The following FAM227B variants were observed in gnomAD, a reference collection of about 807,000 sequenced individuals.
The protein encoded by FAM227B is protein FAM227B.
FAM227B carries 88 observed loss-of-function variants against 73.8 expected under a neutral mutation model. The ratio of observed to expected loss-of-function variants is 1.19; its 90% CI spans 1.00 to 1.42. The LOEUF is 1.42. Among genes scored for constraint, FAM227B ranks in the 40% most tolerant of loss-of-function variants. The pLI, the probability that FAM227B is intolerant of heterozygous loss-of-function variation, is 0.00. For synonymous variants in FAM227B, 210 were observed against 190.5 expected (o/e 1.10, Z -0.84); for missense variants, 632 against 590.9 (o/e 1.07, Z -0.72).
chr15:49,380,984 C>A (rs573376752), intron 11 of FAM227B, among the ~76,000 whole-genome samples: 2 of 152,148 alleles, frequency 1.3e-5, no homozygotes, highest in Non-Finnish European at 2.9e-5. Context: ...TTCTGGTGCA[C>A]GCCTCAGGGA....
At chr15:49,382,004 C>A (rs190342773) in intron 11 of FAM227B, among the ~76,000 whole-genome samples, 67 of 152,016 alleles carry the variant, frequency 4.4e-4, no homozygotes, top group South Asian at 2.5e-3. Context: ...ACTAAAGATA[C>A]ACATGATATT....
chr15:49,457,344 T>C (rs528399798), intron 11 of FAM227B, among the ~76,000 whole-genome samples: 25 of 152,102 alleles, frequency 1.6e-4, no homozygotes, highest in African/African-American at 5.5e-4. Flanking sequence ...GTGGAATCCA[T>C]AGAAAGTGGT....
chr15:49,612,069 T>C lies in FAM227B; in HGVS notation c.52-801A>G, dbSNP rs146567969. On this transcript the variant is annotated intron_variant, in intron 2 of 15. Coordinates refer to ENST00000299338, the MANE Select transcript of FAM227B (RefSeq NM_152647.3). ...TTTTTAATTTGGTATGTTTATTTTG[T>C]AGCCGGCCAATTCCTTGGAGAGGCT... is the stretch of plus-strand genomic sequence containing the variant. Among the ~76,000 whole-genome samples, 137 of 152,002 alleles carry C rather than the reference T, an allele frequency of 9.0e-4. 2 individuals carry two copies. In the East Asian group the frequency reaches 0.024, roughly 26 times the overall value.
chr15:49,545,441 T>C (rs1046359617), intron 9 of FAM227B, among the ~76,000 whole-genome samples: 2 of 152,214 alleles, frequency 1.3e-5, no homozygotes, highest in African/African-American at 4.8e-5. Flanking sequence ...TTTCAAAGAA[T>C]CAACTTTTTG....
chr15:49,595,881 A>G (rs1170698480), intron 3 of FAM227B, among the ~76,000 whole-genome samples: 1 of 152,056 alleles, frequency 6.6e-6, no homozygotes, highest in Non-Finnish European at 1.5e-5. Flanking sequence ...CTCAAAATCA[A>G]GAAGGCTTTT....
At chr15:49,493,852 G>A (rs780105595) in intron 11 of FAM227B, among the ~76,000 whole-genome samples, 1 of 139,664 alleles carries the variant, frequency 7.2e-6, no homozygotes, top group Non-Finnish European at 1.6e-5. Flanking sequence ...ATATAAAGGG[G>A]TCTGTGTATG....
At chr15:49,616,132 C>A (rs1463805656) in intron 1 of FAM227B, among the ~76,000 whole-genome samples, 2 of 151,992 alleles carry the variant, frequency 1.3e-5, no homozygotes, top group African/African-American at 4.8e-5. Context: ...CTAATCATGC[C>A]CCCACCCCAA....
intron 9 of FAM227B, among the ~76,000 whole-genome samples, chr15:49,561,107 TTATC>T (rs1348091277): frequency 6.6e-6 from 1 of 152,144 alleles, no homozygotes; most frequent in Non-Finnish European, 1.5e-5. Flanking sequence ...AAGACAAGAC[TTATC>T]TATCTACTTT....
Position 49,489,809 on chromosome 15 carries a change from ATATATATATATTT to A in FAM227B, c.1012+18389_1012+18401del, listed in dbSNP as rs2056762836. On this transcript the variant is annotated intron_variant, in intron 11 of 15. Coordinates refer to ENST00000299338, the MANE Select transcript of FAM227B (RefSeq NM_152647.3). ...GGAGATATATATATATATTTTATAT[ATATATATATATTT>A]TATATATATATATATATTTTATATA... 1.0e-4 allele frequency among the ~76,000 whole-genome samples: 6 copies of A among 59,862 alleles called. 1 individual carries two copies. The South Asian group carries it at 2.5e-3, about 25-fold the overall frequency. 39.3% of individuals were successfully genotyped at this position (59,862 alleles called of 152,430 possible).
chr15:49,406,446 A>G (rs1249315802), intron 11 of FAM227B, among the ~76,000 whole-genome samples: 1 of 151,514 alleles, frequency 6.6e-6, no homozygotes, highest in Non-Finnish European at 1.5e-5. Context: ...GGGGCGCTGG[A>G]GGGCACAGGA....
At chr15:49,411,684 CA>C in intron 11 of FAM227B, among the ~76,000 whole-genome samples, 1 of 151,982 alleles carries the variant, frequency 6.6e-6, no homozygotes, top group East Asian at 1.9e-4. Context: ...TTATTCAAGG[CA>C]AAAATAATAA....
chr15:49,371,778 TATAA>T (rs1324684155), intron 11 of FAM227B, among the ~76,000 whole-genome samples: 139 of 147,730 alleles, frequency 9.4e-4, no homozygotes, highest in African/African-American at 3.4e-3. Flanking sequence ...AAAATTCACT[TATAA>T]ATAAATGAAA....
intron 9 of FAM227B, among the ~76,000 whole-genome samples, chr15:49,558,776 G>A (rs1212186291): frequency 6.6e-6 from 1 of 151,978 alleles, no homozygotes; most frequent in Non-Finnish European, 1.5e-5. Context: ...GCAAGCCATC[G>A]AGGAGCCTGG....
intron 13 of FAM227B, among the ~76,000 whole-genome samples, chr15:49,338,510 G>C (rs1174560629): frequency 6.6e-6 from 1 of 152,118 alleles, no homozygotes; most frequent in Non-Finnish European, 1.5e-5. Context: ...TAGTCTGGTG[G>C]GCTTCCCTTT....
At chr15:49,591,930 G>A (rs941529310) in intron 3 of FAM227B, among the ~76,000 whole-genome samples, 2 of 152,232 alleles carry the variant, frequency 1.3e-5, no homozygotes, top group East Asian at 1.9e-4. Context: ...AAGCACTTAG[G>A]TTGATTCCAT....
At chr15:49,507,439 T>C (rs1358088669) in intron 11 of FAM227B, among the ~76,000 whole-genome samples, 1 of 152,074 alleles carries the variant, frequency 6.6e-6, no homozygotes, top group African/African-American at 2.4e-5. Context: ...GCACATGAAA[T>C]CATCTGAGGC....
chr15:49,327,788 A>C lies in FAM227B; in HGVS notation c.*780T>G. The stretch of plus-strand genomic sequence containing the variant: ...TGAAAAAATTCCAAATCACTCTCTG[A>C]AACAGTATAAATGTCTTAATGTCCT... On this transcript the variant is annotated 3_prime_UTR_variant, in exon 16 of 16. Transcript: ENST00000299338. The C allele has an allele frequency of 1.7e-6, 1 of 581,582 alleles. No individual in the cohort carries two copies. Among genetic ancestry groups the C allele is most frequent in the Non-Finnish European group, 2.8e-6 (1 of 352,674 alleles). 36.0% of individuals were successfully genotyped at this position (581,582 alleles called of 1,614,324 possible). A position where few individuals can be genotyped will look rare whatever the true frequency, so the allele number is the denominator to read the frequency against.
chr15:49,568,340 T>C lies in FAM227B; in HGVS notation c.652A>G (p.Arg218Gly). The C allele has an allele frequency of 9.3e-6, 15 of 1,604,970 alleles. No homozygotes were observed. In the South Asian group the frequency reaches 1.7e-4, roughly 18 times the overall value. ...TCGAATAAGCAATCTTGGTTTTCTC[T>C]GTCAGGCTTAAAAAAATGTGTGAAA... Reference protein sequence around the residue: ...WWFLHKFRPDRENQDCLFDRI... With the variant: ...WWFLHKFRPDGENQDCLFDRI... Residue 218 changes from arginine to glycine, a missense_variant, in exon 9 of 16, where the codon AGA becomes GGA. Physicochemically the swap from Arg to Gly is moderately radical, Grantham distance 125 (BLOSUM62 -2). Transcript: ENST00000299338.
chr15:49,523,475 T>G (rs2152184601), intron 10 of FAM227B, among the ~76,000 whole-genome samples: 1 of 152,328 alleles, frequency 6.6e-6, no homozygotes, highest in South Asian at 2.1e-4. Context: ...CCCAGCCATG[T>G]GGAACCCTAA....
Sources: gnomAD v4.1 joint callset for allele counts (sites outside exome capture counted in the v4.1 genomes callset) on GRCh38, gnomAD v4.1.1 for gene constraint, MANE v1.5 for transcripts, NCBI Gene and HGNC (gene_info 2026-07-23, HGNC 2026-07-21) for gene names.